SLC9A7: variants seen among roughly 807,000 people sequenced by gnomAD.
SLC9A7 encodes sodium/hydrogen exchanger 7.
Under a neutral mutation model 52.6 loss-of-function variants are expected in SLC9A7, and 19 were observed. The ratio of observed to expected loss-of-function variants is 0.36; its 90% CI spans 0.25 to 0.53. SLC9A7 has a LOEUF of 0.53. SLC9A7 is among the 20% of genes least tolerant of loss of function. The pLI, the probability that SLC9A7 is intolerant of heterozygous loss-of-function variation, is 0.91. For missense variants in SLC9A7, 455 were observed against 597.9 expected, an observed-to-expected ratio of 0.76 and a Z score of 2.49; for synonymous variants, 226 against 252.1, an observed-to-expected ratio of 0.90 and a Z score of 0.98.
At chrX:46,612,646 G>C (rs1942871104) in intron 16 of SLC9A7, among the ~76,000 whole-genome samples, 1 of 111,095 alleles carries the variant, frequency 9.0e-6, no homozygotes. Context: ...CTGAGATGCA[G>C]GCCGGGCATG....
intron 11 of SLC9A7, chrX:46,646,833 C>G: frequency 3.0e-6 from 1 of 334,259 alleles, no homozygotes; most frequent in Non-Finnish European, 5.8e-6. Context: ...ATCTGGGGAA[C>G]TATTTCTTCA....
chrX:46,626,778 C>T (rs1373984186), intron 14 of SLC9A7, among the ~76,000 whole-genome samples: 1 of 112,308 alleles, frequency 8.9e-6, no homozygotes, highest in Non-Finnish European at 1.9e-5. Flanking sequence ...CTCTCTCCTG[C>T]TCCGCTATGG....
intron 1 of SLC9A7, among the ~76,000 whole-genome samples, chrX:46,735,784 T>G (rs916308968): frequency 9.0e-6 from 1 of 111,553 alleles, no homozygotes; most frequent in Non-Finnish European, 1.9e-5. Context: ...CTGTCAACAC[T>G]TGAAACAAGC....
chrX:46,660,412 C>G (rs2146809727), intron 7 of SLC9A7, among the ~76,000 whole-genome samples: 1 of 110,449 alleles, frequency 9.1e-6, no homozygotes, highest in African/African-American at 3.3e-5. Flanking sequence ...GCAAAAGAAA[C>G]TACCATCAGA....
rs1034756746 is a variant in SLC9A7, at chrX:46,653,255, G to A, written c.1147+354C>T. 2.7e-5 allele frequency among the ~76,000 whole-genome samples: 3 copies of A among 110,827 alleles called. No homozygotes were observed. In the Admixed American group the frequency reaches 2.9e-4, roughly 11 times the overall value. Reference sequence around the variant, plus strand: ...TCTACAAAGAATAAAGAAGTTAGCTGGGTGTGGTACGTGCCTGTAGTCTTA... The same window carrying A: ...TCTACAAAGAATAAAGAAGTTAGCTAGGTGTGGTACGTGCCTGTAGTCTTA... On this transcript the variant is annotated intron_variant, in intron 8 of 16. Coordinates refer to ENST00000616978, the MANE Select transcript of SLC9A7 (RefSeq NM_001257291.2).
intron 2 of SLC9A7, 25 bp from the exon 3 acceptor site, chrX:46,679,780 G>C (rs1278633447): frequency 9.7e-7 from 1 of 1,034,916 alleles, no homozygotes; most frequent in Non-Finnish European, 1.3e-6. Flanking sequence ...AGAAAAAAAA[G>C]CCAATTTTTT....
chrX:46,622,743 T>A lies in SLC9A7; in HGVS notation c.1741-1684A>T, dbSNP rs773677886. On this transcript the variant is annotated intron_variant, in intron 14 of 16. Transcript: ENST00000616978. ...AACCCCGGAAGTTAAAAGTTAAATT[T>A]AAAAAAAGAAAGCTACAAGAGACTT... Among the ~76,000 whole-genome samples, 14 of 111,349 alleles carry A rather than the reference T, an allele frequency of 1.3e-4. No individual in the cohort carries two copies. The East Asian group carries it at 2.5e-3, about 20-fold the overall frequency.
chrX:46,756,274 C>G (rs1239971082), intron 1 of SLC9A7, among the ~76,000 whole-genome samples: 3 of 111,192 alleles, frequency 2.7e-5, no homozygotes, highest in Non-Finnish European at 5.7e-5. Flanking sequence ...GCCAAGAGGA[C>G]AATTACTCAC....
intron 16 of SLC9A7, among the ~76,000 whole-genome samples, chrX:46,610,591 C>G (rs1942832020): frequency 9.0e-6 from 1 of 111,660 alleles, no homozygotes; most frequent in Non-Finnish European, 1.9e-5. Context: ...ATGTCTGGAG[C>G]TGGCTGAGAC....
intron 16 of SLC9A7, among the ~76,000 whole-genome samples, chrX:46,609,187 A>G (rs1249928051): frequency 1.8e-5 from 2 of 111,755 alleles, no homozygotes; most frequent in Non-Finnish European, 3.8e-5. Flanking sequence ...ACTGCAGGTG[A>G]GGGTAATTCC....
chrX:46,610,836 T>C (rs1377857532), intron 16 of SLC9A7, among the ~76,000 whole-genome samples: 2 of 112,592 alleles, frequency 1.8e-5, no homozygotes, highest in African/African-American at 6.5e-5. Context: ...ATTCCTAATC[T>C]ATGAGCAAGG....
chrX:46,613,456 T>C (rs776521754), intron 15 of SLC9A7, 62 bp from the exon 16 acceptor site: 39 of 875,746 alleles, frequency 4.5e-5, no homozygotes, highest in Non-Finnish European at 6.0e-5. Context: ...CAAAATGTGC[T>C]TAAAAAATTG....
chrX:46,614,452 A>G (rs1942910812), intron 15 of SLC9A7, among the ~76,000 whole-genome samples: 1 of 111,961 alleles, frequency 8.9e-6, no homozygotes, highest in African/African-American at 3.2e-5. Context: ...GATCAATTTC[A>G]CACTATATCG....
chrX:46,629,336 G>T (rs963449440), intron 14 of SLC9A7, among the ~76,000 whole-genome samples: 1 of 112,098 alleles, frequency 8.9e-6, no homozygotes, highest in Non-Finnish European at 1.9e-5. Flanking sequence ...CTCCACCTGG[G>T]GGTGGGGGCT....
intron 8 of SLC9A7, among the ~76,000 whole-genome samples, chrX:46,651,783 A>G (rs1300961512): frequency 9.4e-6 from 1 of 106,194 alleles, no homozygotes; most frequent in African/African-American, 3.5e-5. Context: ...AGCCATGATC[A>G]CGCCTCTGCA....
At chrX:46,690,414 G>A (rs370832487) in intron 1 of SLC9A7, among the ~76,000 whole-genome samples, 13 of 112,166 alleles carry the variant, frequency 1.2e-4, no homozygotes, top group African/African-American at 4.2e-4. Flanking sequence ...CAAGTTATTT[G>A]CCCATTTTAA....
intron 1 of SLC9A7, among the ~76,000 whole-genome samples, chrX:46,714,047 A>G (rs765204202): frequency 1.8e-5 from 2 of 111,379 alleles, no homozygotes; most frequent in Non-Finnish European, 3.8e-5. Context: ...CCCCAAACAG[A>G]AAAAGTACAT....
At chrX:46,723,993 T>C (rs1429056853) in intron 1 of SLC9A7, among the ~76,000 whole-genome samples, 3 of 112,006 alleles carry the variant, frequency 2.7e-5, no homozygotes, top group African/African-American at 9.7e-5. Flanking sequence ...CTTGAGAGGC[T>C]GAGGCAGGAG....
chrX:46,612,209 T>G (rs1477959600), intron 16 of SLC9A7, among the ~76,000 whole-genome samples: 1 of 112,357 alleles, frequency 8.9e-6, no homozygotes, highest in Non-Finnish European at 1.9e-5. Context: ...CTTTGTGAAC[T>G]CTAGAGCTGT....
Sources: allele counts gnomAD v4.1 joint callset (sites outside exome capture counted in the v4.1 genomes callset), GRCh38; gene constraint gnomAD v4.1.1; transcripts MANE v1.5; gene names NCBI Gene and HGNC (gene_info 2026-07-23, HGNC 2026-07-21).